PAPSS1: variants seen among roughly 807,000 people sequenced by gnomAD.
PAPSS1 encodes 3'-phosphoadenosine 5'-phosphosulfate synthase 1.
In PAPSS1, 50 loss-of-function variants were observed where a neutral mutation model predicts 72.0. That is an observed-to-expected ratio of 0.69 (90% confidence interval 0.55 to 0.88). PAPSS1 has a LOEUF of 0.88. Among genes scored for constraint, PAPSS1 ranks in the 40% least tolerant of loss-of-function variants. The pLI, the probability that PAPSS1 is intolerant of heterozygous loss-of-function variation, is 0.00. For synonymous variants in PAPSS1, 261 were observed against 263.6 expected (o/e 0.99, Z 0.09); for missense variants, 657 against 782.2 (o/e 0.84, Z 1.91).
In PAPSS1 at chr4:107,701,274, T is replaced by C; in HGVS notation, c.72A>G (p.Arg24=). The C allele has an allele frequency of 2.5e-6, 4 of 1,611,504 alleles. No homozygotes were observed. The highest frequency in any genetic ancestry group is 3.4e-6 in the Non-Finnish European group (4 of 1,178,360). ...SNNAQNWGMQ[R]ATNVTYQAHH... Reference sequence around the variant, plus strand: ...GGGCTTGGTAGGTGACATTGGTTGCTCTCTGCATTCCCTAGAAAAAAAAGA... The same window carrying C: ...GGGCTTGGTAGGTGACATTGGTTGCCCTCTGCATTCCCTAGAAAAAAAAGA... The change falls in exon 2 of 12, where the codon AGA becomes AGG. Residue 24 remains arginine, a synonymous_variant. Transcript: ENST00000265174.
At chr4:107,712,104 A>G (rs1316694832) in intron 1 of PAPSS1, among the ~76,000 whole-genome samples, 1 of 152,226 alleles carries the variant, frequency 6.6e-6, no homozygotes, top group Non-Finnish European at 1.5e-5. Flanking sequence ...ATTCTGTTAA[A>G]GATTAAAGAA....
chr4:107,615,104 C>G (rs116018764), intron 11 of PAPSS1, among the ~76,000 whole-genome samples: 5,618 of 150,848 alleles, frequency 0.037, 366 homozygotes, highest in African/African-American at 0.13. Flanking sequence ...TCTTCTGGAA[C>G]AGCAAGTAGC....
At chr4:107,668,522 T>C (rs1471948771) in intron 5 of PAPSS1, among the ~76,000 whole-genome samples, 4 of 152,144 alleles carry the variant, frequency 2.6e-5, no homozygotes, top group African/African-American at 9.7e-5. Context: ...CCCAGACCCA[T>C]TCTTAATCTG....
At chr4:107,631,553 T>C in intron 11 of PAPSS1, 78 bp downstream of exon 11, 7 of 995,462 alleles carry the variant, frequency 7.0e-6, no homozygotes, top group South Asian at 3.1e-5. Context: ...CAGTAAAGAT[T>C]AGACAATAAG....
intron 1 of PAPSS1, among the ~76,000 whole-genome samples, chr4:107,702,233 C>A (rs969217736): frequency 4.6e-5 from 7 of 152,104 alleles, no homozygotes; most frequent in East Asian, 1.9e-4. Flanking sequence ...TTTGTTGTTG[C>A]GAAAATAGTA....
In PAPSS1 at chr4:107,699,738, T is replaced by C. The variant is rs1723162428; in HGVS notation, c.175+1433A>G. 2.0e-5 allele frequency among the ~76,000 whole-genome samples: 3 copies of C among 152,168 alleles called. No homozygotes were observed. In the South Asian group the frequency reaches 6.2e-4, roughly 32 times the overall value. ...ATTAGGCTCACACTTATTCAAAACATTTAATGCCAGAAGACAATAGAGTAC... is the reference window on the plus strand; with the variant it reads ...ATTAGGCTCACACTTATTCAAAACACTTAATGCCAGAAGACAATAGAGTAC... On this transcript the variant is annotated intron_variant, in intron 2 of 11. Transcript: ENST00000265174.
At chr4:107,615,723 A>T (rs1560560532) in intron 11 of PAPSS1, among the ~76,000 whole-genome samples, 1 of 152,316 alleles carries the variant, frequency 6.6e-6, no homozygotes, top group East Asian at 1.9e-4. Context: ...AATAACCAGG[A>T]CACAAAACTA....
At chr4:107,668,326 C>T (rs1404062415) in intron 5 of PAPSS1, among the ~76,000 whole-genome samples, 1 of 152,178 alleles carries the variant, frequency 6.6e-6, no homozygotes, top group African/African-American at 2.4e-5. Context: ...CAGTACCTAA[C>T]ACAGGGCCTA....
Position 107,614,396 on chromosome 4 carries a change from G to C in PAPSS1, c.1737-9C>G. ...ATTCAAAGTCTTCATGGCTAAAGGA[G>C]AGGAAAAAAAGAAAATTATTTCATA... is the stretch of plus-strand genomic sequence containing the variant. On this transcript the variant is annotated splice_polypyrimidine_tract_variant and intron_variant, in intron 11 of 11. Coordinates refer to ENST00000265174, the MANE Select transcript of PAPSS1 (RefSeq NM_005443.5). 1.9e-6 allele frequency: 3 copies of C among 1,591,594 alleles called. No individual in the cohort carries two copies. Among genetic ancestry groups the C allele is most frequent in the African/African-American group, 1.4e-5 (1 of 73,318 alleles).
Position 107,645,062 on chromosome 4 carries a change from A to C in PAPSS1, c.1246T>G (p.Phe416Val). 6.6e-7 allele frequency: 1 copy of C among 1,515,396 alleles called. No individual in the cohort carries two copies. Among genetic ancestry groups the C allele is most frequent in the South Asian group, 1.3e-5 (1 of 74,962 alleles). 93.9% of individuals were successfully genotyped at this position (1,515,396 alleles called of 1,614,324 possible). Residue 416 changes from phenylalanine to valine, a missense_variant, in exon 10 of 12, where the codon TTT (phenylalanine) becomes GTT (valine). This residue lies in a region of PAPSS1 where 166 missense variants were observed against 228.3 expected (regional missense o/e 0.73). Coordinates refer to ENST00000265174, the MANE Select transcript of PAPSS1 (RefSeq NM_005443.5). ...ACTGGGTTGCGTAGTTGAAATGCAA[A>C]GACAGCATCTGAAAAGAGAATTTCC... is the stretch of plus-strand genomic sequence containing the variant. ...KFKDMNADAV[F>V]AFQLRNPVHN...
intron 2 of PAPSS1, among the ~76,000 whole-genome samples, chr4:107,700,694 C>T (rs1723181822): frequency 1.3e-5 from 2 of 152,198 alleles, no homozygotes; most frequent in Admixed American, 6.5e-5. Context: ...TGCTCTTTCT[C>T]AGCATGTGAT....
intron 11 of PAPSS1, among the ~76,000 whole-genome samples, chr4:107,627,048 C>A (rs1726118138): frequency 1.3e-5 from 2 of 152,126 alleles, no homozygotes; most frequent in Admixed American, 6.5e-5. Context: ...AGACTTAAAG[C>A]AATACTACAC....
At chr4:107,630,246 T>C (rs536082407) in intron 11 of PAPSS1, among the ~76,000 whole-genome samples, 2 of 152,348 alleles carry the variant, frequency 1.3e-5, no homozygotes, top group Admixed American at 1.3e-4. Context: ...TTTTTATGTT[T>C]TAATTCCATT....
chr4:107,653,254 A>G lies in PAPSS1; in HGVS notation c.1237+237T>C, dbSNP rs553885253. Among the ~76,000 whole-genome samples the G allele has an allele frequency of 5.9e-5, 9 of 152,258 alleles. No individual in the cohort carries two copies. In the South Asian group the frequency reaches 1.2e-3, roughly 21 times the overall value. On this transcript the variant is annotated intron_variant, in intron 9 of 11. Transcript: ENST00000265174. The stretch of plus-strand genomic sequence containing the variant: ...TTAACATGCGAGTTTTATAATAAAT[A>G]AAAGGTAAATTCTGCATTAGCATCT...
At chr4:107,715,772 TAATA>T (rs1723623435) in intron 1 of PAPSS1, among the ~76,000 whole-genome samples, 1 of 152,226 alleles carries the variant, frequency 6.6e-6, no homozygotes, top group Admixed American at 6.5e-5. Context: ...TTTGAGGAGC[TAATA>T]AATAATTAGA....
chr4:107,663,396 A>G (rs1727239098), intron 5 of PAPSS1, among the ~76,000 whole-genome samples: 2 of 152,216 alleles, frequency 1.3e-5, no homozygotes, highest in Admixed American at 1.3e-4. Context: ...CAAAAAAGAT[A>G]CACACATATA....
At chr4:107,682,700 C>T (rs976862502) in intron 4 of PAPSS1, among the ~76,000 whole-genome samples, 7 of 152,156 alleles carry the variant, frequency 4.6e-5, no homozygotes, top group Admixed American at 2.6e-4. Flanking sequence ...CATCTCAATT[C>T]TCTACAGGAC....
chr4:107,697,107 G>A (rs536823292), intron 2 of PAPSS1, among the ~76,000 whole-genome samples: 2 of 152,286 alleles, frequency 1.3e-5, no homozygotes, highest in East Asian at 3.9e-4. Context: ...CCATGCTAAC[G>A]TGATCCCAAG....
intron 5 of PAPSS1, among the ~76,000 whole-genome samples, chr4:107,680,740 G>A (rs1033547402): frequency 6.6e-6 from 1 of 152,116 alleles, no homozygotes; most frequent in African/African-American, 2.4e-5. Flanking sequence ...GGACAGCTTT[G>A]GAGAGATAAG....
Sources: allele counts gnomAD v4.1 joint callset (sites outside exome capture counted in the v4.1 genomes callset), GRCh38; gene constraint gnomAD v4.1.1; regional missense constraint gnomAD v4.1.1; transcripts MANE v1.5; gene names NCBI Gene and HGNC (gene_info 2026-07-23, HGNC 2026-07-21).